Variants in THSD7A observed in about 807,000 individuals in gnomAD.
THSD7A encodes thrombospondin type-1 domain-containing protein 7A.
THSD7A carries 96 observed loss-of-function variants against 231.3 expected under a neutral mutation model. The observed-to-expected ratio is 0.41, with a 90% confidence interval of 0.35 to 0.49. The LOEUF (loss-of-function observed/expected upper bound fraction) is 0.49. Among genes scored for constraint, THSD7A ranks in the 20% least tolerant of loss-of-function variants. The probability of loss-of-function intolerance (pLI) is 0.05; values close to 1 mark genes in which losing one functional copy is unlikely to be tolerated. For synonymous variants in THSD7A, 940 were observed against 743.3 expected (o/e 1.26, Z -4.30); for missense variants, 2,290 against 2,070.2 (o/e 1.11, Z -2.06).
At chr7:11,767,962 A>G (rs1042221747) in intron 1 of THSD7A, among the ~76,000 whole-genome samples, 1 of 152,170 alleles carries the variant, frequency 6.6e-6, no homozygotes, top group Non-Finnish European at 1.5e-5. Context: ...ATGAATGAGG[A>G]GCTGAAAAGG....
At chr7:11,459,000 C>T (rs1785404758) in intron 11 of THSD7A, among the ~76,000 whole-genome samples, 1 of 152,102 alleles carries the variant, frequency 6.6e-6, no homozygotes. Context: ...GCAGCTTATA[C>T]GTCATTGTTT....
At chr7:11,663,247 G>A (rs555240425) in intron 1 of THSD7A, among the ~76,000 whole-genome samples, 9 of 151,296 alleles carry the variant, frequency 5.9e-5, no homozygotes, top group African/African-American at 2.2e-4. Context: ...CAAATCTTAT[G>A]CCACATAAGT....
intron 1 of THSD7A, among the ~76,000 whole-genome samples, chr7:11,683,916 TAAC>T (rs775952730): frequency 1.3e-5 from 2 of 151,270 alleles, no homozygotes; most frequent in African/African-American, 2.4e-5. Flanking sequence ...AAAGACACAA[TAAC>T]AACAACAACA....
rs561774688 is a variant in THSD7A at position 11,387,834 on chromosome 7, T to C, written c.4412-5218A>G. ...AGTTATTGCCCATTCAGTATGGTAT[T>C]GGCTGTGGGTTTGTCATAAATAGCT... On this transcript the variant is annotated intron_variant, in intron 23 of 27. Coordinates refer to ENST00000423059, the MANE Select transcript of THSD7A (RefSeq NM_015204.3). Among the ~76,000 whole-genome samples the C allele has an allele frequency of 2.6e-5, 4 of 152,326 alleles. No individual in the cohort carries two copies. The South Asian group carries it at 8.3e-4, about 32-fold the overall frequency.
intron 1 of THSD7A, among the ~76,000 whole-genome samples, chr7:11,748,951 G>A (rs1384558444): frequency 6.6e-6 from 1 of 151,926 alleles, no homozygotes; most frequent in Non-Finnish European, 1.5e-5. Context: ...CGGGAATGAA[G>A]TATACAGACA....
intron 4 of THSD7A, among the ~76,000 whole-genome samples, chr7:11,582,685 G>C (rs189331540): frequency 1.7e-3 from 264 of 152,184 alleles, no homozygotes; most frequent in African/African-American, 6.1e-3. Flanking sequence ...ATAATTCTAC[G>C]TTGCCAGTTA....
chr7:11,655,630 T>G (rs1254731899), intron 1 of THSD7A, among the ~76,000 whole-genome samples: 1 of 151,774 alleles, frequency 6.6e-6, no homozygotes, highest in Non-Finnish European at 1.5e-5. Flanking sequence ...GTAAAGAAAA[T>G]AAAACAGAGT....
chr7:11,824,102 T>C (rs1784955832), intron 1 of THSD7A, among the ~76,000 whole-genome samples: 1 of 152,078 alleles, frequency 6.6e-6, no homozygotes, highest in Admixed American at 6.5e-5. Context: ...TGAAAAAAAT[T>C]AGAAAAGATA....
At chr7:11,426,019 T>A (rs977836500) in intron 15 of THSD7A, among the ~76,000 whole-genome samples, 10 of 151,102 alleles carry the variant, frequency 6.6e-5, no homozygotes, top group African/African-American at 2.4e-4. Flanking sequence ...GTAACTAACC[T>A]GCACAATGTG....
intron 2 of THSD7A, among the ~76,000 whole-genome samples, chr7:11,601,470 C>T (rs1780550298): frequency 6.6e-6 from 1 of 152,176 alleles, no homozygotes; most frequent in Non-Finnish European, 1.5e-5. Context: ...ACTCTTAGAA[C>T]AGAGCTTGTC....
At chr7:11,521,127 A>G (rs1376173705) in intron 6 of THSD7A, among the ~76,000 whole-genome samples, 2 of 152,292 alleles carry the variant, frequency 1.3e-5, no homozygotes, top group East Asian at 3.9e-4. Context: ...TAAATGTACT[A>G]CACAGACATT....
intron 6 of THSD7A, among the ~76,000 whole-genome samples, chr7:11,485,167 G>T (rs1245264343): frequency 6.6e-6 from 1 of 151,978 alleles, no homozygotes; most frequent in Non-Finnish European, 1.5e-5. Flanking sequence ...GGGATTACAG[G>T]CATGAGCCAC....
In THSD7A at chr7:11,636,429, GCA is replaced by G; in HGVS notation, c.721_722del (p.Cys241ProfsTer40). ...GCPNLTEFQV[C>X]QSSPCEAEEL... The stretch of plus-strand genomic sequence containing the variant: ...CCTCGGCCTCGCATGGACTGGATTG[GCA>G]CACCTGGAACTCCGTCAGGTTTGGA... On this transcript the variant is annotated frameshift_variant, in exon 2 of 28. Transcript: ENST00000423059. LOFTEE classifies it high-confidence loss of function. The surrounding 1 kb of genome is among the most constrained non-coding windows in gnomAD (Gnocchi z 10.0). The G allele has an allele frequency of 6.2e-7, 1 of 1,613,576 alleles. No homozygotes were observed. Among genetic ancestry groups the G allele is most frequent in the Non-Finnish European group, 8.5e-7 (1 of 1,179,848 alleles).
chr7:11,752,433 C>CA (rs994277325), intron 1 of THSD7A, among the ~76,000 whole-genome samples: 3 of 152,006 alleles, frequency 2.0e-5, no homozygotes, highest in African/African-American at 7.2e-5. Context: ...AAAGCAATAT[C>CA]AGTCCTTTTT....
At chr7:11,730,288 C>T (rs561983260) in intron 1 of THSD7A, among the ~76,000 whole-genome samples, 113 of 151,380 alleles carry the variant, frequency 7.5e-4, no homozygotes, top group Admixed American at 1.3e-3. Context: ...TTAACAAAAT[C>T]GAGTAATATT....
chr7:11,516,326 A>G (rs1044114128), intron 6 of THSD7A, among the ~76,000 whole-genome samples: 5 of 152,204 alleles, frequency 3.3e-5, no homozygotes, highest in African/African-American at 1.2e-4. Context: ...AGAATACAAG[A>G]TAAGTATGGT....
intron 1 of THSD7A, among the ~76,000 whole-genome samples, chr7:11,710,727 T>A (rs934266488): frequency 6.6e-6 from 1 of 150,834 alleles, no homozygotes; most frequent in African/African-American, 2.4e-5. Context: ...ACCAAAAAAA[T>A]TTTTGAATTT....
At chr7:11,379,922 C>T (rs1398804251) in intron 24 of THSD7A, among the ~76,000 whole-genome samples, 2 of 152,120 alleles carry the variant, frequency 1.3e-5, no homozygotes, top group Non-Finnish European at 2.9e-5. Flanking sequence ...AGCTCAGTGC[C>T]TGGTACTCAG....
chr7:11,450,102 C>G (rs187790999), intron 11 of THSD7A, among the ~76,000 whole-genome samples: 1 of 152,134 alleles, frequency 6.6e-6, no homozygotes, highest in East Asian at 1.9e-4. Context: ...GACTTAGGTT[C>G]TCTCTTAAGG....
Sources: allele counts gnomAD v4.1 joint callset (sites outside exome capture counted in the v4.1 genomes callset), GRCh38; gene constraint gnomAD v4.1.1; non-coding constraint Gnocchi (gnomAD v3.1); transcripts MANE v1.5; gene names NCBI Gene and HGNC (gene_info 2026-07-23, HGNC 2026-07-21).